Variants in TBC1D31 observed in about 807,000 individuals in gnomAD.
TBC1D31 encodes the protein TBC1 domain family member 31.
Under a neutral mutation model 132.9 loss-of-function variants are expected in TBC1D31, and 99 were observed. The observed-to-expected ratio is 0.74, with a 90% CI of 0.63 to 0.88. The LOEUF is 0.88. Ranked by LOEUF, TBC1D31 falls within the 40% of genes least tolerant of loss-of-function variation. The probability of loss-of-function intolerance (pLI) is 0.00; values close to 1 mark genes in which losing one functional copy is unlikely to be tolerated. For synonymous variants in TBC1D31, 385 were observed against 419.4 expected, an observed-to-expected ratio of 0.92 and a Z score of 1.00; for missense variants, 1,134 against 1,256.6, an observed-to-expected ratio of 0.90 and a Z score of 1.48.
chr8:123,161,860 T>C, the TBC1D31 span, among the ~76,000 whole-genome samples: 585 of 151,352 alleles, frequency 3.9e-3, 3 homozygotes, highest in African/African-American at 0.013. Flanking sequence ...CTACTAAAAA[T>C]ACAAAAAATT....
At position 123,106,596 on chromosome 8, in the gene TBC1D31, T is replaced by C. The variant is rs150284384; in HGVS notation, c.1209+1132T>C. On this transcript the variant is annotated intron_variant, in intron 8 of 21. Transcript: ENST00000287380. Reference sequence around the variant, plus strand: ...GGTTTCAGGCATCCACTGGGGATCTTGGAACATTTCCTCGTCAAATCAGTG... The same window carrying C: ...GGTTTCAGGCATCCACTGGGGATCTCGGAACATTTCCTCGTCAAATCAGTG... 3.8e-3 allele frequency among the ~76,000 whole-genome samples: 575 copies of C among 152,364 alleles called. 2 individuals are homozygous for C. The highest frequency in any genetic ancestry group is 0.013 in the African/African-American group (557 of 41,584).
downstream of TBC1D31, among the ~76,000 whole-genome samples, chr8:123,152,524 C>T (rs1380418727): frequency 6.6e-6 from 1 of 152,098 alleles, no homozygotes; most frequent in Non-Finnish European, 1.5e-5. Flanking sequence ...CTTGTGACTT[C>T]CTGAACCTTA....
At chr8:123,108,693 A>C (rs1818170859) in intron 8 of TBC1D31, among the ~76,000 whole-genome samples, 1 of 151,916 alleles carries the variant, frequency 6.6e-6, no homozygotes, top group Non-Finnish European at 1.5e-5. Flanking sequence ...ACTGGCCTGT[A>C]TTAGTCTGTT....
chr8:123,149,909 TTAAAA>T (rs1252638286), intron 20 of TBC1D31, 122 bp from the exon 21 acceptor site: 3 of 596,068 alleles, frequency 5.0e-6, no homozygotes, highest in Middle Eastern at 5.2e-4. Context: ...CGCATTCTTC[TTAAAA>T]TAGAAAAGAA....
rs186325137 is a variant in TBC1D31, at chr8:123,085,940, G to T, written c.519+1600G>T. ...TTCTATCATTTCTTTTAACAGACAA[G>T]CCACATAACCAACCTCTCTGGGCTT... On this transcript the variant is annotated intron_variant, in intron 4 of 21. Coordinates refer to ENST00000287380, the MANE Select transcript of TBC1D31 (RefSeq NM_145647.4). 7.1e-3 allele frequency among the ~76,000 whole-genome samples: 1,085 copies of T among 152,236 alleles called. 11 individuals carry two copies. The highest frequency in any genetic ancestry group is 0.025 in the African/African-American group (1,018 of 41,550).
Position 123,100,790 on chromosome 8 carries a change from T to C in TBC1D31, c.832-17T>C, listed in dbSNP as rs1416923536. On this transcript the variant is annotated splice_polypyrimidine_tract_variant and intron_variant, in intron 6 of 21. Transcript: ENST00000287380. Reference sequence around the variant, plus strand: ...ACTATCACATGTTTTTAGGAATTTATATTTTTTCTCTCTTAGGTTCTTGGA... The same window carrying C: ...ACTATCACATGTTTTTAGGAATTTACATTTTTTCTCTCTTAGGTTCTTGGA... The C allele has an allele frequency of 1.9e-6, 3 of 1,596,310 alleles. No individual in the cohort carries two copies. Among genetic ancestry groups the C allele is most frequent in the Non-Finnish European group, 2.6e-6 (3 of 1,164,676 alleles).
chr8:123,076,338 ATGTGTGTGTG>A (rs71310650), intron 1 of TBC1D31, among the ~76,000 whole-genome samples: 24 of 149,340 alleles, frequency 1.6e-4, no homozygotes, highest in African/African-American at 4.9e-4. Flanking sequence ...AATTGTGTGT[ATGTGTGTGTG>A]TGTGTGTGTG....
chr8:123,114,332 G>GTTGTTT (rs1322737295), intron 10 of TBC1D31, among the ~76,000 whole-genome samples: 2 of 151,942 alleles, frequency 1.3e-5, no homozygotes, highest in Non-Finnish European at 2.9e-5. Flanking sequence ...TGTTGTTGTT[G>GTTGTTT]TTGTTGAGAC....
At chr8:123,089,434 T>C (rs2385163) in intron 4 of TBC1D31, among the ~76,000 whole-genome samples, 25,678 of 152,196 alleles carry the variant, frequency 0.17, 2,181 homozygotes, top group Middle Eastern at 0.26. Flanking sequence ...TTGCTTAAGC[T>C]GTAGGGTGGC....
chr8:123,149,414 T>C (rs1822565794), intron 20 of TBC1D31, among the ~76,000 whole-genome samples: 1 of 152,126 alleles, frequency 6.6e-6, no homozygotes, highest in African/African-American at 2.4e-5. Context: ...ATGCTAGCGG[T>C]GGGAGTAGAA....
chr8:123,104,026 ATAGAG>A (rs1396831064), intron 7 of TBC1D31: 20 of 152,248 alleles, frequency 1.3e-4, no homozygotes, highest in African/African-American at 4.3e-4. Flanking sequence ...TATTGTGGTA[ATAGAG>A]TAAATGAATT....
intron 1 of TBC1D31, chr8:123,073,237 T>C (rs1406183788): frequency 2.1e-6 from 1 of 469,208 alleles, no homozygotes; most frequent in African/African-American, 2.0e-5. Context: ...AGATGCGGGG[T>C]GGAAGAGCAG....
At chr8:123,163,610 C>T in the TBC1D31 span, among the ~76,000 whole-genome samples, 1 of 150,780 alleles carries the variant, frequency 6.6e-6, no homozygotes, top group Non-Finnish European at 1.5e-5. Context: ...AAGCCATTTG[C>T]CCACCTCAGC....
chr8:123,123,685 T>A (rs1819714648), intron 11 of TBC1D31: 1 of 152,462 alleles, frequency 6.6e-6, no homozygotes, highest in Admixed American at 6.5e-5. Context: ...AGACAATGAA[T>A]AAGTTGGTTC....
intron 20 of TBC1D31, among the ~76,000 whole-genome samples, chr8:123,149,594 A>G (rs1177532999): frequency 6.6e-6 from 1 of 152,236 alleles, no homozygotes; most frequent in Non-Finnish European, 1.5e-5. Flanking sequence ...AGGCACCACT[A>G]GTTGCTAGGG....
intron 11 of TBC1D31, chr8:123,123,025 T>G (rs1403370924): frequency 6.6e-6 from 1 of 152,270 alleles, no homozygotes; most frequent in Non-Finnish European, 1.5e-5. Flanking sequence ...GCCATTGCAG[T>G]ACCTGGAGCT....
chr8:123,159,607 C>A, the TBC1D31 span, among the ~76,000 whole-genome samples: 1 of 152,166 alleles, frequency 6.6e-6, no homozygotes, highest in Non-Finnish European at 1.5e-5. Flanking sequence ...GCCTGACTAA[C>A]ATGGAAGAAA....
chr8:123,135,952 A>G (rs1330317670), intron 17 of TBC1D31, among the ~76,000 whole-genome samples: 2 of 152,264 alleles, frequency 1.3e-5, no homozygotes, highest in East Asian at 3.8e-4. Context: ...TCAGATTTTT[A>G]AACACTAACA....
In TBC1D31 at chr8:123,142,343, T is replaced by C. The variant is rs1473428330; in HGVS notation, c.2722T>C (p.Cys908Arg). The C allele has an allele frequency of 6.2e-7, 1 of 1,610,384 alleles. No individual in the cohort carries two copies. The highest frequency in any genetic ancestry group is 8.5e-7 in the Non-Finnish European group (1 of 1,178,796). The change falls in exon 19 of 22, where the codon TGT (cysteine) becomes CGT (arginine). Residue 908 changes from cysteine (C) to arginine (R), a missense_variant. Physicochemically the swap from Cys to Arg is radical, Grantham distance 180. Coordinates refer to ENST00000287380, the MANE Select transcript of TBC1D31 (RefSeq NM_145647.4). ...WQIQSLHKQK[C>R]DDLQRNKCYQ... ...GATTCAGTCTTTACATAAACAAAAA[T>C]GTGATGATCTACAACGAAACAAATG...
Sources: gnomAD v4.1 joint callset for allele counts (sites outside exome capture counted in the v4.1 genomes callset) on GRCh38, gnomAD v4.1.1 for gene constraint, MANE v1.5 for transcripts, NCBI Gene and HGNC (gene_info 2026-07-23, HGNC 2026-07-21) for gene names.